MSL2: variants seen among roughly 807,000 people sequenced by gnomAD.
The protein encoded by MSL2 is E3 ubiquitin-protein ligase MSL2.
A neutral mutation model predicts 35.8 loss-of-function variants in MSL2; 2 were observed. The observed-to-expected ratio is 0.06, with a 90% CI of 0.02 to 0.18. The LOEUF (loss-of-function observed/expected upper bound fraction) is 0.18, where lower values mean the gene tolerates loss of function less well. MSL2 is among the 10% of genes least tolerant of loss of function. MSL2 has a pLI of 1.00. For synonymous variants in MSL2, 296 were observed against 255.7 expected (o/e 1.16, Z -1.50); for missense variants, 523 against 706.7 (o/e 0.74, Z 2.95).
chr3:136,157,511 AAAAT>A (rs1193045126), intron 1 of MSL2, among the ~76,000 whole-genome samples: 14 of 152,336 alleles, frequency 9.2e-5, no homozygotes, highest in Non-Finnish European at 2.1e-4. Flanking sequence ...CAAAAAAACG[AAAAT>A]AAATAAATGA....
At chr3:136,163,078 T>C (rs1939755430) in intron 1 of MSL2, among the ~76,000 whole-genome samples, 1 of 151,478 alleles carries the variant, frequency 6.6e-6, no homozygotes, top group Non-Finnish European at 1.5e-5. Context: ...GTGAACATGG[T>C]GAAACCCCGT....
At position 136,195,566 on chromosome 3, in the gene MSL2, C is replaced by A; in HGVS notation, c.-453G>T. ...TGAGGCGCGGCACGCTTCTCCCGGG[C>A]TGCAGGGCCTCTTACTCCATCCCAG... On this transcript the variant is annotated 5_prime_UTR_variant, in exon 1 of 2. Coordinates refer to ENST00000309993, the MANE Select transcript of MSL2 (RefSeq NM_018133.4). 5 of 998,810 alleles carry A rather than the reference C, an allele frequency of 5.0e-6. No individual in the cohort carries two copies. The highest frequency in any genetic ancestry group is 6.0e-6 in the Non-Finnish European group (5 of 838,782). The allele number at this position is 998,810 out of a possible 1,614,324, so 61.9% of individuals were successfully genotyped here. A position where few individuals can be genotyped will look rare whatever the true frequency, so the allele number is the denominator to read the frequency against.
intron 1 of MSL2, among the ~76,000 whole-genome samples, chr3:136,167,244 A>T (rs1939877614): frequency 6.6e-6 from 1 of 152,136 alleles, no homozygotes; most frequent in Admixed American, 6.6e-5. Context: ...TATCAATCAA[A>T]TCCTCATTTT....
At chr3:136,179,881 C>T (rs1289422656) in intron 1 of MSL2, among the ~76,000 whole-genome samples, 1 of 152,014 alleles carries the variant, frequency 6.6e-6, no homozygotes, top group African/African-American at 2.4e-5. Flanking sequence ...GCCTGGCCAA[C>T]ACGGTGAAAC....
In MSL2 at chr3:136,176,538, AC is replaced by A. The variant is rs1334146361; in HGVS notation, c.142+18433del. 6.4e-4 allele frequency among the ~76,000 whole-genome samples: 95 copies of A among 148,544 alleles called. No individual in the cohort carries two copies. The East Asian group carries it at 0.01, about 16-fold the overall frequency. On this transcript the variant is annotated intron_variant, in intron 1 of 1. Transcript: ENST00000309993. ...CTCAAAAAAAAAAAAAAAAAAAAAAACTTTTCGGCTGGGCACAGTGGTTCAT... is the reference window on the plus strand; with the variant it reads ...CTCAAAAAAAAAAAAAAAAAAAAAAATTTTCGGCTGGGCACAGTGGTTCAT...
intron 1 of MSL2, among the ~76,000 whole-genome samples, chr3:136,181,460 A>C (rs1037747191): frequency 2.0e-5 from 3 of 152,172 alleles, no homozygotes; most frequent in Non-Finnish European, 2.9e-5. Flanking sequence ...AAGGAAGATA[A>C]ACATTTAAAA....
intron 1 of MSL2, among the ~76,000 whole-genome samples, chr3:136,193,778 A>G (rs1372481597): frequency 6.6e-6 from 1 of 152,146 alleles, no homozygotes; most frequent in African/African-American, 2.4e-5. Context: ...CTATTCCTCT[A>G]AGGTGTTAAG....
chr3:136,185,489 G>A (rs1479216244), intron 1 of MSL2, among the ~76,000 whole-genome samples: 1 of 144,290 alleles, frequency 6.9e-6, no homozygotes, highest in Non-Finnish European at 1.5e-5. Context: ...ACTAAAACAA[G>A]GATGCTACCA....
chr3:136,162,537 G>A lies in MSL2; in HGVS notation c.143-9799C>T, dbSNP rs149004013. Among the ~76,000 whole-genome samples the A allele has an allele frequency of 2.1e-3, 319 of 152,222 alleles. 9 individuals are homozygous for A. The East Asian group carries it at 0.051, about 25-fold the overall frequency. On this transcript the variant is annotated intron_variant, in intron 1 of 1. Coordinates refer to ENST00000309993, the MANE Select transcript of MSL2 (RefSeq NM_018133.4). ...AGAGGTTGCAGTGAGCCGAGATTGC[G>A]CCACTGCGGTCCAGCCTGGGCAACA...
At chr3:136,179,480 G>A (rs1048951532) in intron 1 of MSL2, among the ~76,000 whole-genome samples, 4 of 152,142 alleles carry the variant, frequency 2.6e-5, no homozygotes, top group Admixed American at 2.6e-4. Context: ...CCTGCCCAGC[G>A]AGGAATGTGT....
At chr3:136,156,218 G>C (rs1161514361) in intron 1 of MSL2, among the ~76,000 whole-genome samples, 2 of 152,152 alleles carry the variant, frequency 1.3e-5, no homozygotes, top group African/African-American at 2.4e-5. Flanking sequence ...CGAAACTTAG[G>C]ATACAGTTTT....
chr3:136,195,105 G>C lies in MSL2; in HGVS notation c.9C>G (p.Pro3=), dbSNP rs752029292. ...AAATGTAGAGAGCAGTAGCATTCAC[G>C]GGGTTCATTGCAGACACTTCGACAC... MN[P]VNATALYISA... The change falls in exon 1 of 2, where the codon CCC becomes CCG. Residue 3 remains proline (P), a synonymous_variant. Coordinates refer to ENST00000309993, the MANE Select transcript of MSL2 (RefSeq NM_018133.4). The C allele has an allele frequency of 6.8e-6, 11 of 1,610,210 alleles. No homozygotes were observed. In the South Asian group the frequency reaches 9.9e-5, roughly 15 times the overall value.
chr3:136,158,581 C>G (rs1441636557), intron 1 of MSL2, among the ~76,000 whole-genome samples: 1 of 152,028 alleles, frequency 6.6e-6, no homozygotes, highest in East Asian at 1.9e-4. Flanking sequence ...GTTGCCACTT[C>G]TTTTCAAAAT....
At chr3:136,163,498 G>A (rs117079975) in intron 1 of MSL2, among the ~76,000 whole-genome samples, 1 of 152,244 alleles carries the variant, frequency 6.6e-6, no homozygotes, top group East Asian at 1.9e-4. Context: ...TTGGACAAAT[G>A]GCTAATTTCA....
chr3:136,152,908 C>T lies in MSL2; in HGVS notation c.143-170G>A, dbSNP rs556790764. The T allele has an allele frequency of 4.0e-4, 394 of 985,378 alleles. 1 individual carries two copies. The highest frequency in any genetic ancestry group is 4.5e-4 in the Non-Finnish European group (371 of 829,904). The allele number at this position is 985,378 out of a possible 1,614,324, so 61.0% of individuals were successfully genotyped here. A position where few individuals can be genotyped will look rare whatever the true frequency, so the allele number is the denominator to read the frequency against. On this transcript the variant is annotated intron_variant, in intron 1 of 1. Transcript: ENST00000309993. The stretch of plus-strand genomic sequence containing the variant: ...GAAACGGAAGAATCTTCAATTAGCT[C>T]GCTTGATTTCATGCCATATTCCCCA...
At chr3:136,165,184 A>T (rs1281548016) in intron 1 of MSL2, among the ~76,000 whole-genome samples, 14 of 150,920 alleles carry the variant, frequency 9.3e-5, no homozygotes, top group Admixed American at 4.6e-4. Flanking sequence ...CCAGACTTTT[A>T]AAAAAAAATG....
intron 1 of MSL2, among the ~76,000 whole-genome samples, chr3:136,160,594 C>CA (rs952811108): frequency 9.9e-5 from 15 of 151,722 alleles, no homozygotes; most frequent in Non-Finnish European, 1.6e-4. Flanking sequence ...CCTGTAGTCC[C>CA]AGCTACTCAG....
intron 1 of MSL2, among the ~76,000 whole-genome samples, chr3:136,155,278 A>G (rs945631167): frequency 6.6e-6 from 1 of 152,040 alleles, no homozygotes; most frequent in Non-Finnish European, 1.5e-5. Flanking sequence ...GCCAAGGCAC[A>G]TGGATCACCT....
At chr3:136,168,304 C>A (rs1247206075) in intron 1 of MSL2, among the ~76,000 whole-genome samples, 1 of 151,972 alleles carries the variant, frequency 6.6e-6, no homozygotes, top group African/African-American at 2.4e-5. Flanking sequence ...TAACAACAGT[C>A]GTGAGACTTT....
Sources: allele counts gnomAD v4.1 joint callset (sites outside exome capture counted in the v4.1 genomes callset), GRCh38; gene constraint gnomAD v4.1.1; transcripts MANE v1.5; gene names NCBI Gene and HGNC (gene_info 2026-07-23, HGNC 2026-07-21).